MET: variants seen among roughly 807,000 people sequenced by gnomAD.
The protein encoded by MET is hepatocyte growth factor receptor.
MET carries 48 observed loss-of-function variants against 133.1 expected under a neutral mutation model. The ratio of observed to expected loss-of-function variants is 0.36; its 90% CI spans 0.29 to 0.46. MET has a LOEUF of 0.46. Ranked by LOEUF, MET falls within the 20% of genes least tolerant of loss-of-function variation. The probability of loss-of-function intolerance (pLI) is 1.00; values close to 1 mark genes in which losing one functional copy is unlikely to be tolerated. For synonymous variants in MET, 628 were observed against 616.5 expected, an observed-to-expected ratio of 1.02 and a Z score of -0.28; for missense variants, 1,442 against 1,695.9, an observed-to-expected ratio of 0.85 and a Z score of 2.63.
rs568734054 is a variant in MET at position 116,797,574 on chromosome 7, G to A, written c.*1450G>A. 3.5e-5 allele frequency: 8 copies of A among 226,984 alleles called. No homozygotes were observed. Among genetic ancestry groups the A allele is most frequent in the Non-Finnish European group, 6.1e-5 (7 of 114,082 alleles). The allele number at this position is 226,984 out of a possible 1,614,324, so 14.1% of individuals were successfully genotyped here. A position where few individuals can be genotyped will look rare whatever the true frequency, so the allele number is the denominator to read the frequency against. On this transcript the variant is annotated 3_prime_UTR_variant, in exon 21 of 21. Coordinates refer to ENST00000397752, the MANE Select transcript of MET (RefSeq NM_000245.4). ...CTTGCTACTGTATAGTGCATGTGGT[G>A]TAGGTTACTCTAACTGGTTTTGTCG... is the stretch of plus-strand genomic sequence containing the variant.
At chr7:116,772,917 C>T (rs942617207) in intron 14 of MET, among the ~76,000 whole-genome samples, 3 of 152,130 alleles carry the variant, frequency 2.0e-5, no homozygotes, top group Admixed American at 6.5e-5. Flanking sequence ...AAAATCCATT[C>T]GTTTAACCGT....
At chr7:116,792,415 A>C in intron 19 of MET, among the ~76,000 whole-genome samples, 1 of 146,008 alleles carries the variant, frequency 6.8e-6, no homozygotes, top group African/African-American at 2.5e-5. Flanking sequence ...CATGAATTGT[A>C]CACCTCCCTC....
intron 1 of MET, among the ~76,000 whole-genome samples, chr7:116,684,842 A>G (rs1175490299): frequency 2.0e-5 from 3 of 152,150 alleles, no homozygotes; most frequent in Non-Finnish European, 4.4e-5. Flanking sequence ...ACATAGTCAA[A>G]TTGTCAGTTT....
chr7:116,777,596 C>A, intron 16 of MET, 127 bp downstream of exon 16: 3 of 897,760 alleles, frequency 3.3e-6, no homozygotes, highest in Non-Finnish European at 3.6e-6. Context: ...AAATTATGGG[C>A]CTAATCCTGA....
chr7:116,706,698 G>C (rs1339883122), intron 2 of MET, among the ~76,000 whole-genome samples: 2 of 151,960 alleles, frequency 1.3e-5, no homozygotes, highest in East Asian at 3.9e-4. Context: ...AGGAATTTCT[G>C]CCACTGCTTA....
intron 1 of MET, among the ~76,000 whole-genome samples, chr7:116,692,288 T>C (rs546322761): frequency 6.6e-6 from 1 of 152,296 alleles, no homozygotes; most frequent in Non-Finnish European, 1.5e-5. Context: ...AAGTGCTATC[T>C]ACATAGTTAT....
chr7:116,761,093 T>C (rs1010631352), intron 10 of MET, among the ~76,000 whole-genome samples: 21 of 152,176 alleles, frequency 1.4e-4, no homozygotes, highest in African/African-American at 4.1e-4. Context: ...TTCTCCCTCA[T>C]TGGCATTAAA....
chr7:116,784,032 C>G (rs1795230647), intron 19 of MET, among the ~76,000 whole-genome samples: 1 of 152,208 alleles, frequency 6.6e-6, no homozygotes, highest in South Asian at 2.1e-4. Context: ...TCACCACATT[C>G]CCCTTCCACC....
At chr7:116,698,035 T>C (rs1797028483) in intron 1 of MET, among the ~76,000 whole-genome samples, 1 of 152,178 alleles carries the variant, frequency 6.6e-6, no homozygotes. Flanking sequence ...TCATGATGCC[T>C]AGTATGTTTT....
At chr7:116,787,948 A>AT (rs1795368821) in intron 19 of MET, among the ~76,000 whole-genome samples, 1 of 152,196 alleles carries the variant, frequency 6.6e-6, no homozygotes. Context: ...GGGTGAATGG[A>AT]TAAAAAAAAA....
At chr7:116,778,558 C>T (rs1795058575) in intron 16 of MET, among the ~76,000 whole-genome samples, 1 of 152,128 alleles carries the variant, frequency 6.6e-6, no homozygotes, top group Admixed American at 6.6e-5. Flanking sequence ...TGGTTGGACT[C>T]TATCTTGCAA....
intron 17 of MET, 125 bp downstream of exon 17, chr7:116,779,082 C>T (rs1156314582): frequency 1.1e-6 from 1 of 943,130 alleles, no homozygotes; most frequent in Non-Finnish European, 1.6e-6. Context: ...ATGTTAGCAT[C>T]ATTCAAATGC....
chr7:116,794,033 C>T (rs938868857), intron 19 of MET, among the ~76,000 whole-genome samples: 1 of 152,288 alleles, frequency 6.6e-6, no homozygotes, highest in South Asian at 2.1e-4. Flanking sequence ...CAAGACCCAC[C>T]TTACTGTCAC....
At position 116,796,691 on chromosome 7, in the gene MET, A is replaced by T. The variant is rs759653192; in HGVS notation, c.*567A>T. On this transcript the variant is annotated 3_prime_UTR_variant, in exon 21 of 21. Coordinates refer to ENST00000397752, the MANE Select transcript of MET (RefSeq NM_000245.4). The stretch of plus-strand genomic sequence containing the variant: ...CACTCTGTTGCCAGGGCTGTAGTGC[A>T]GTGGTGTGATCATAGCTCACTGCAA... The T allele has an allele frequency of 8.5e-5, 20 of 234,212 alleles. No individual in the cohort carries two copies. Among genetic ancestry groups the T allele is most frequent in the Admixed American group, 3.0e-4 (6 of 20,142 alleles). The allele number at this position is 234,212 out of a possible 1,614,324, so 14.5% of individuals were successfully genotyped here. A position where few individuals can be genotyped will look rare whatever the true frequency, so the allele number is the denominator to read the frequency against.
At chr7:116,716,551 T>C (rs1190383990) in intron 2 of MET, among the ~76,000 whole-genome samples, 1 of 148,110 alleles carries the variant, frequency 6.8e-6, no homozygotes, top group Non-Finnish European at 1.5e-5. Context: ...ATATGAACAA[T>C]AAAGGAAAGA....
At chr7:116,747,708 A>G (rs1414281296) in intron 5 of MET, among the ~76,000 whole-genome samples, 2 of 152,166 alleles carry the variant, frequency 1.3e-5, no homozygotes, top group Non-Finnish European at 2.9e-5. Flanking sequence ...TCAACATCAG[A>G]CAGATCAAGG....
chr7:116,690,084 C>A (rs1031201502), intron 1 of MET, among the ~76,000 whole-genome samples: 6 of 152,134 alleles, frequency 3.9e-5, no homozygotes, highest in African/African-American at 9.7e-5. Context: ...ATGAAACAGT[C>A]ACCAGGTATT....
At chr7:116,696,409 G>T (rs893539368) in intron 1 of MET, among the ~76,000 whole-genome samples, 2 of 152,052 alleles carry the variant, frequency 1.3e-5, no homozygotes, top group African/African-American at 4.8e-5. Context: ...ACTACTTTTT[G>T]CTTGTCTTCC....
intron 2 of MET, among the ~76,000 whole-genome samples, chr7:116,729,961 G>A (rs1459052591): frequency 6.6e-6 from 1 of 152,218 alleles, no homozygotes; most frequent in Non-Finnish European, 1.5e-5. Context: ...TAGGGTCCCT[G>A]ATCGCAGCGA....
Sources: allele counts gnomAD v4.1 joint callset (sites outside exome capture counted in the v4.1 genomes callset), GRCh38; gene constraint gnomAD v4.1.1; transcripts MANE v1.5; gene names NCBI Gene and HGNC (gene_info 2026-07-23, HGNC 2026-07-21).